Variants in PXYLP1 observed in about 807,000 individuals in gnomAD.
PXYLP1 encodes the protein 2-phosphoxylose phosphatase 1, also known as acid phosphatase-like 2.
PXYLP1 carries 17 observed loss-of-function variants against 37.9 expected under a neutral mutation model. That is an observed-to-expected ratio of 0.45 (90% CI 0.31 to 0.67). The LOEUF (loss-of-function observed/expected upper bound fraction) is 0.67, where lower values mean the gene tolerates loss of function less well. Among genes scored for constraint, PXYLP1 ranks in the 30% least tolerant of loss-of-function variants. The pLI is 0.07. For synonymous variants in PXYLP1, 221 were observed against 232.2 expected (o/e 0.95, Z 0.44); for missense variants, 511 against 612.0 (o/e 0.84, Z 1.74).
chr3:141,247,886 A>G (rs189779404), intron 1 of PXYLP1, among the ~76,000 whole-genome samples: 2 of 152,254 alleles, frequency 1.3e-5, no homozygotes, highest in Admixed American at 1.3e-4. Flanking sequence ...ATTGCTTTTC[A>G]TTCTCAAAAT....
rs751037027 is a variant in PXYLP1 at position 141,278,360 on chromosome 3, C to T, written c.98C>T (p.Ser33Leu). The change falls in exon 3 of 6, where the codon TCG (serine) becomes TTG (leucine). Residue 33 changes from serine (S) to leucine (L), a missense_variant. By Grantham distance (145) the Ser-to-Leu change is moderately radical. Coordinates refer to ENST00000286353, the MANE Select transcript of PXYLP1 (RefSeq NM_001037172.3). ...SLQFFHLIPV[S>L]TPKNGMSSKS... ...GTTTCAGTCCACCTGATCCCGGTGTCGACTCCTAAGAATGGAATGAGTAGC... is the reference window on the plus strand; with the variant it reads ...GTTTCAGTCCACCTGATCCCGGTGTTGACTCCTAAGAATGGAATGAGTAGC... 44 of 1,614,046 alleles carry T rather than the reference C, an allele frequency of 2.7e-5. No homozygotes were observed. Among genetic ancestry groups the T allele is most frequent in the African/African-American group, 4.0e-5 (3 of 74,920 alleles).
rs773248183 is a variant in PXYLP1, at chr3:141,262,723, G to A, written c.79+2469G>A. The A allele has an allele frequency of 4.6e-5, 71 of 1,529,202 alleles. No homozygotes were observed. The African/African-American group carries it at 7.3e-4, about 16-fold the overall frequency. The allele number at this position is 1,529,202 out of a possible 1,614,324, so 94.7% of individuals were successfully genotyped here. The stretch of plus-strand genomic sequence containing the variant: ...GGACGTTCTTACTGCTCTTCTTTTA[G>A]GTAAACTGTAACTTTGGAATTTCCC... On this transcript the variant is annotated intron_variant, in intron 2 of 5. Coordinates refer to ENST00000286353, the MANE Select transcript of PXYLP1 (RefSeq NM_001037172.3).
At chr3:141,262,816 C>T (rs1941425803) in intron 2 of PXYLP1, 1 of 920,462 alleles carries the variant, frequency 1.1e-6, no homozygotes, top group African/African-American at 1.6e-5. Context: ...TATTATTATA[C>T]TGTAAGAAAC....
At chr3:141,278,792 C>T (rs1176400426) in intron 3 of PXYLP1, among the ~76,000 whole-genome samples, 2 of 152,218 alleles carry the variant, frequency 1.3e-5, no homozygotes, top group Non-Finnish European at 2.9e-5. Context: ...AGTGAGACAG[C>T]AGCAAGGTAG....
At chr3:141,273,468 A>C in intron 2 of PXYLP1, 1 of 985,434 alleles carries the variant, frequency 1.0e-6, no homozygotes. Context: ...TTTACTAGTA[A>C]TACATACAGA....
At chr3:141,281,467 G>A (rs1260655959) in intron 4 of PXYLP1, among the ~76,000 whole-genome samples, 2 of 152,242 alleles carry the variant, frequency 1.3e-5, no homozygotes, top group African/African-American at 4.8e-5. Flanking sequence ...CATTTACAGA[G>A]ACAGGCCCGG....
intron 2 of PXYLP1, among the ~76,000 whole-genome samples, chr3:141,263,748 C>T (rs561694393): frequency 4.6e-5 from 7 of 152,344 alleles, no homozygotes; most frequent in African/African-American, 1.4e-4. Flanking sequence ...GTCAGCTTCC[C>T]TGCTAAGTGG....
chr3:141,253,341 G>A (rs1941187754), intron 1 of PXYLP1, among the ~76,000 whole-genome samples: 1 of 152,184 alleles, frequency 6.6e-6, no homozygotes, highest in African/African-American at 2.4e-5. Context: ...CCTCTGGGCA[G>A]CTGGCTTTCC....
Position 141,283,563 on chromosome 3 carries a change from A to G in PXYLP1, c.366-3751A>G, listed in dbSNP as rs79312765. Among the ~76,000 whole-genome samples, 270 of 152,302 alleles carry G rather than the reference A, an allele frequency of 1.8e-3. 1 individual carries two copies. Among genetic ancestry groups the G allele is most frequent in the African/African-American group, 6.3e-3 (263 of 41,570 alleles). ...GAAAGCAGGGCAATGCATTACATCA[A>G]GTAAGACCAAAAGGTCCAGAAAGCT... is the stretch of plus-strand genomic sequence containing the variant. On this transcript the variant is annotated intron_variant, in intron 4 of 5. Transcript: ENST00000286353.
chr3:141,282,545 A>G (rs1418386398), intron 4 of PXYLP1, among the ~76,000 whole-genome samples: 1 of 151,498 alleles, frequency 6.6e-6, no homozygotes, highest in Non-Finnish European at 1.5e-5. Flanking sequence ...CTGCTTCCCC[A>G]GGCTAGAATA....
In PXYLP1 at chr3:141,278,489, G is replaced by A. The variant is rs370945546; in HGVS notation, c.227G>A (p.Arg76His). 1.7e-5 allele frequency: 27 copies of A among 1,614,026 alleles called. No individual in the cohort carries two copies. In the African/African-American group the frequency reaches 1.9e-4, roughly 11 times the overall value. Residue 76 changes from arginine to histidine, a missense_variant, in exon 3 of 6, where the codon CGC becomes CAC. Coordinates refer to ENST00000286353, the MANE Select transcript of PXYLP1 (RefSeq NM_001037172.3). ...LYCNIPSVAE[R>H]SMEGHAPHHF... The stretch of plus-strand genomic sequence containing the variant: ...TGCAACATCCCCAGCGTGGCCGAGC[G>A]CAGCATGGAAGGTAGGCCTGACTGT...
chr3:141,244,394 A>G (rs1940887191), intron 1 of PXYLP1, among the ~76,000 whole-genome samples: 1 of 151,946 alleles, frequency 6.6e-6, no homozygotes, highest in Non-Finnish European at 1.5e-5. Context: ...CACCCAACAT[A>G]CTATAAAATC....
chr3:141,235,502 G>T (rs1559876984), intron 1 of PXYLP1: 1 of 94,030 alleles, frequency 1.1e-5, no homozygotes, highest in Non-Finnish European at 2.0e-5. Flanking sequence ...GGCCACTTCA[G>T]ATTGCAGCCA....
At chr3:141,282,483 AACAC>A (rs3069374) in intron 4 of PXYLP1, among the ~76,000 whole-genome samples, 18 of 147,638 alleles carry the variant, frequency 1.2e-4, no homozygotes, top group Admixed American at 3.4e-4. Flanking sequence ...AACCCAGACA[AACAC>A]ACACACACAC....
chr3:141,267,016 T>C (rs567870124), intron 2 of PXYLP1, among the ~76,000 whole-genome samples: 1 of 152,288 alleles, frequency 6.6e-6, no homozygotes, highest in East Asian at 1.9e-4. Context: ...CTCTTGTAGA[T>C]GGCCATTAGC....
intron 2 of PXYLP1, chr3:141,262,714 C>G (rs1941422714): frequency 6.5e-7 from 1 of 1,533,248 alleles, no homozygotes; most frequent in Non-Finnish European, 8.7e-7. Flanking sequence ...TCTTACTGCT[C>G]TTCTTTTAGG....
rs561872659 is a variant in PXYLP1 at position 141,280,031 on chromosome 3, C to G, written c.365+527C>G. On this transcript the variant is annotated intron_variant, in intron 4 of 5. Coordinates refer to ENST00000286353, the MANE Select transcript of PXYLP1 (RefSeq NM_001037172.3). The stretch of plus-strand genomic sequence containing the variant: ...TAATTTTTCACTGGAGTAGAGGCAG[C>G]CTGTTCTTGGTTGAAAGCCCTTAGG... Among the ~76,000 whole-genome samples, 3 of 152,316 alleles carry G rather than the reference C, an allele frequency of 2.0e-5. No homozygotes were observed. The South Asian group carries it at 6.2e-4, about 32-fold the overall frequency.
In PXYLP1 at chr3:141,273,324, T is replaced by C. The variant is rs140744020; in HGVS notation, c.80-5018T>C. 319 of 985,440 alleles carry C rather than the reference T, an allele frequency of 3.2e-4. 2 individuals carry two copies. The African/African-American group carries it at 4.9e-3, about 15-fold the overall frequency. The allele number at this position is 985,440 out of a possible 1,614,324, so 61.0% of individuals were successfully genotyped here. A position where few individuals can be genotyped will look rare whatever the true frequency, so the allele number is the denominator to read the frequency against. On this transcript the variant is annotated intron_variant, in intron 2 of 5. Coordinates refer to ENST00000286353, the MANE Select transcript of PXYLP1 (RefSeq NM_001037172.3). The stretch of plus-strand genomic sequence containing the variant: ...GGCTTACAGGCTTCAGGACCTTAGG[T>C]AACTCCCTTGACCTGCCTCTGCCTA...
intron 1 of PXYLP1, among the ~76,000 whole-genome samples, chr3:141,249,622 G>A (rs1366039846): frequency 6.6e-6 from 1 of 151,990 alleles, no homozygotes; most frequent in Admixed American, 6.6e-5. Flanking sequence ...GACACACTTT[G>A]CTTGCAAAAT....
Sources: allele counts gnomAD v4.1 joint callset (sites outside exome capture counted in the v4.1 genomes callset), GRCh38; gene constraint gnomAD v4.1.1; transcripts MANE v1.5; gene names NCBI Gene and HGNC (gene_info 2026-07-23, HGNC 2026-07-21).